HERC3: variants seen among roughly 807,000 people sequenced by gnomAD.
The protein encoded by HERC3 is probable E3 ubiquitin-protein ligase HERC3.
A neutral mutation model predicts 129.9 loss-of-function variants in HERC3; 58 were observed. The ratio of observed to expected loss-of-function variants is 0.45; its 90% confidence interval spans 0.36 to 0.56. The LOEUF (loss-of-function observed/expected upper bound fraction) is 0.56, where lower values mean the gene tolerates loss of function less well. HERC3 is among the 20% of genes least tolerant of loss of function. The pLI, the probability that HERC3 is intolerant of heterozygous loss-of-function variation, is 0.00. For synonymous variants in HERC3, 430 were observed against 451.0 expected (o/e 0.95, Z 0.59); for missense variants, 835 against 1,244.2 (o/e 0.67, Z 4.95).
intron 20 of HERC3, 144 bp downstream of exon 20, chr4:88,680,380 T>A (rs1328618898): frequency 2.2e-5 from 13 of 584,194 alleles, no homozygotes; most frequent in Non-Finnish European, 3.3e-5. Context: ...TTAAAATGTT[T>A]ATCCAGTCTT....
At chr4:88,624,718 C>T (rs1445594804) in intron 3 of HERC3, among the ~76,000 whole-genome samples, 1 of 152,124 alleles carries the variant, frequency 6.6e-6, no homozygotes, top group Non-Finnish European at 1.5e-5. Context: ...TTAATGAAGT[C>T]TAATTTTCAA....
intron 21 of HERC3, among the ~76,000 whole-genome samples, chr4:88,682,444 A>T (rs112392762): frequency 0.14 from 20,712 of 151,482 alleles, 1,622 homozygotes; most frequent in East Asian, 0.19. Flanking sequence ...TTAACATTAG[A>T]TGTATTTCCT....
At chr4:88,620,806 G>A (rs1034324892) in intron 3 of HERC3, among the ~76,000 whole-genome samples, 1 of 151,982 alleles carries the variant, frequency 6.6e-6, no homozygotes, top group Non-Finnish European at 1.5e-5. Context: ...CTGTAACTTG[G>A]GAACTATCTA....
upstream of HERC3, among the ~76,000 whole-genome samples, chr4:88,588,681 G>C (rs549231771): frequency 6.6e-6 from 1 of 152,258 alleles, no homozygotes; most frequent in South Asian, 2.1e-4. Context: ...GTAAATATTT[G>C]TCTGCAAGGC....
At chr4:88,554,736 A>C in the HERC3 span, among the ~76,000 whole-genome samples, 1 of 152,216 alleles carries the variant, frequency 6.6e-6, no homozygotes, top group Non-Finnish European at 1.5e-5. Flanking sequence ...TGGGAAACAG[A>C]TAAGGCCTAG....
intron 23 of HERC3, among the ~76,000 whole-genome samples, chr4:88,689,731 C>T (rs2149329541): frequency 6.6e-6 from 1 of 152,140 alleles, no homozygotes; most frequent in South Asian, 2.1e-4. Flanking sequence ...GCGTGTACCA[C>T]CATGCCTGGC....
intron 2 of HERC3, among the ~76,000 whole-genome samples, chr4:88,600,653 T>C (rs987627241): frequency 3.9e-5 from 6 of 152,258 alleles, no homozygotes; most frequent in Admixed American, 6.5e-5. Flanking sequence ...ATCTATAGCT[T>C]CATTATGTAC....
intron 5 of HERC3, 95 bp from the exon 6 acceptor site, chr4:88,652,773 TG>T: frequency 2.3e-6 from 3 of 1,314,902 alleles, no homozygotes; most frequent in Non-Finnish European, 2.1e-6. Flanking sequence ...GGTTTGGTGT[TG>T]GGGGGCAACT....
chr4:88,657,439 T>G lies in HERC3; in HGVS notation c.1070-976T>G, dbSNP rs187048413. The G allele has an allele frequency of 6.6e-5, 10 of 152,320 alleles. No homozygotes were observed. The East Asian group carries it at 1.9e-3, about 29-fold the overall frequency. 9.4% of individuals were successfully genotyped at this position (152,320 alleles called of 1,614,324 possible). ...ATGTTCCCAGAAGCAAAAGAATGGC[T>G]TTGTGTCCTCTTCTCTGTAATTTGT... On this transcript the variant is annotated intron_variant, in intron 9 of 25. Transcript: ENST00000402738.
At chr4:88,552,069 A>G in the HERC3 span, among the ~76,000 whole-genome samples, 1 of 143,584 alleles carries the variant, frequency 7.0e-6, no homozygotes, top group African/African-American at 2.5e-5. Context: ...TCACTCATAG[A>G]TGGGAATTGA....
chr4:88,542,931 C>T, the HERC3 span, among the ~76,000 whole-genome samples: 54 of 152,198 alleles, frequency 3.5e-4, no homozygotes, highest in African/African-American at 1.1e-3. Context: ...ATTGATGGGA[C>T]GTATCTCAAA....
rs770867180 is a variant in HERC3 at position 88,686,813 on chromosome 4, C to G, written c.2574+11C>G. On this transcript the variant is annotated intron_variant, in intron 22 of 25. Transcript: ENST00000402738. ...TGCCTCAACTTCACGGTAAGAATTT[C>G]CACAGTTTACTTAGGATTGTGGCTG... 1.3e-6 allele frequency: 2 copies of G among 1,590,800 alleles called. No individual in the cohort carries two copies. Among genetic ancestry groups the G allele is most frequent in the South Asian group, 2.2e-5 (2 of 90,420 alleles).
intron 3 of HERC3, among the ~76,000 whole-genome samples, chr4:88,609,319 A>G (rs1229677749): frequency 1.3e-5 from 2 of 152,126 alleles, no homozygotes; most frequent in African/African-American, 2.4e-5. Flanking sequence ...AAACCCCAAA[A>G]TAAATAAATA....
intron 3 of HERC3, among the ~76,000 whole-genome samples, chr4:88,610,502 A>G (rs960586906): frequency 1.5e-4 from 22 of 151,140 alleles, no homozygotes; most frequent in Non-Finnish European, 2.4e-4. Context: ...AATACAGCCT[A>G]GTAGGTTTCA....
the HERC3 span, among the ~76,000 whole-genome samples, chr4:88,560,944 G>A: frequency 6.6e-6 from 1 of 152,096 alleles, no homozygotes. Context: ...ATTCGTCTAT[G>A]TGTCTGTTTC....
chr4:88,645,736 GA>G (rs1421275091), intron 3 of HERC3, among the ~76,000 whole-genome samples: 2 of 152,158 alleles, frequency 1.3e-5, no homozygotes, highest in East Asian at 3.9e-4. Flanking sequence ...ACATGACTCA[GA>G]ATGGTATGCA....
At chr4:88,668,216 T>G in intron 14 of HERC3, 135 bp downstream of exon 14, 1 of 646,928 alleles carries the variant, frequency 1.5e-6, no homozygotes. Context: ...AACCTTTTTT[T>G]CTTTGCTGTT....
intron 3 of HERC3, among the ~76,000 whole-genome samples, chr4:88,624,792 G>A (rs76180980): frequency 0.014 from 2,204 of 152,250 alleles, 80 homozygotes; most frequent in African/African-American, 0.051. Context: ...CAGTCGTAAT[G>A]ATTGTTTTCC....
At chr4:88,582,775 G>A in the HERC3 span, among the ~76,000 whole-genome samples, 1 of 152,126 alleles carries the variant, frequency 6.6e-6, no homozygotes, top group African/African-American at 2.4e-5. Context: ...CCTGTAACTT[G>A]CTGCCACCTT....
Sources: gnomAD v4.1 joint callset for allele counts (sites outside exome capture counted in the v4.1 genomes callset) on GRCh38, gnomAD v4.1.1 for gene constraint, MANE v1.5 for transcripts, NCBI Gene and HGNC (gene_info 2026-07-23, HGNC 2026-07-21) for gene names.